Variants in CCDC146 observed in about 807,000 individuals in gnomAD.
CCDC146 encodes the protein coiled-coil domain containing 146.
Under a neutral mutation model 119.3 loss-of-function variants are expected in CCDC146, and 92 were observed. The ratio of observed to expected loss-of-function variants is 0.77; its 90% confidence interval spans 0.65 to 0.92. CCDC146 has a LOEUF of 0.92. Among genes scored for constraint, CCDC146 ranks in the 40% least tolerant of loss-of-function variants. CCDC146 has a pLI of 0.00. For missense variants in CCDC146, 1,000 were observed against 1,103.0 expected, an observed-to-expected ratio of 0.91 and a Z score of 1.32; for synonymous variants, 372 against 371.8, an observed-to-expected ratio of 1.00 and a Z score of -0.01.
chr7:77,199,420 A>G (rs375874418), intron 2 of CCDC146: 69 of 1,613,182 alleles, frequency 4.3e-5, no homozygotes, highest in Non-Finnish European at 5.3e-5. Flanking sequence ...GTTATCACCA[A>G]CCTCTCCCGG....
chr7:77,141,082 CT>C (rs1562813371), intron 1 of CCDC146, among the ~76,000 whole-genome samples: 1 of 152,144 alleles, frequency 6.6e-6, no homozygotes, highest in African/African-American at 2.4e-5. Flanking sequence ...CCCACACCCC[CT>C]GACAGGCCTC....
intron 1 of CCDC146, among the ~76,000 whole-genome samples, chr7:77,131,631 T>A (rs557731240): frequency 1.6e-4 from 24 of 152,184 alleles, no homozygotes; most frequent in Non-Finnish European, 1.2e-4. Context: ...GGCAGGAGGA[T>A]CCCTTGAACC....
chr7:77,124,531 T>A (rs1790667136), intron 1 of CCDC146, among the ~76,000 whole-genome samples: 1 of 152,190 alleles, frequency 6.6e-6, no homozygotes, highest in South Asian at 2.1e-4. Flanking sequence ...GATTAAGCAA[T>A]TAGAAGGTCT....
At chr7:77,159,597 G>C (rs984320783) in intron 1 of CCDC146, among the ~76,000 whole-genome samples, 2 of 152,122 alleles carry the variant, frequency 1.3e-5, no homozygotes, top group Non-Finnish European at 2.9e-5. Flanking sequence ...ATGAACGTGG[G>C]AGTGCCAATA....
At chr7:77,206,572 G>T (rs1792083318) in intron 2 of CCDC146, among the ~76,000 whole-genome samples, 1 of 151,608 alleles carries the variant, frequency 6.6e-6, no homozygotes, top group African/African-American at 2.4e-5. Flanking sequence ...GGTGGGGGTT[G>T]CAGTGAGCTG....
intron 2 of CCDC146, among the ~76,000 whole-genome samples, chr7:77,171,080 C>A (rs1287680761): frequency 6.6e-6 from 1 of 152,066 alleles, no homozygotes; most frequent in Non-Finnish European, 1.5e-5. Flanking sequence ...TCCACCACTA[C>A]CCTTAATAAT....
Position 77,187,554 on chromosome 7 carries a change from G to A in CCDC146, c.156+19730G>A, listed in dbSNP as rs1024468128. 4.0e-5 allele frequency among the ~76,000 whole-genome samples: 6 copies of A among 151,850 alleles called. No homozygotes were observed. The South Asian group carries it at 1.2e-3, about 32-fold the overall frequency. ...GCCACTCTCAGTTACCATCATTTTG[G>A]GTTTCTGGTCTCAGCATGTCATTCA... On this transcript the variant is annotated intron_variant, in intron 2 of 18. Coordinates refer to ENST00000285871, the MANE Select transcript of CCDC146 (RefSeq NM_020879.3).
intron 6 of CCDC146, 36 bp downstream of exon 6, chr7:77,256,545 C>G: frequency 6.5e-7 from 1 of 1,536,554 alleles, no homozygotes; most frequent in Non-Finnish European, 8.8e-7. Context: ...AACATTGTGC[C>G]TTGCATGGAT....
intron 1 of CCDC146, among the ~76,000 whole-genome samples, chr7:77,161,142 T>C (rs1016870931): frequency 6.6e-6 from 1 of 152,078 alleles, no homozygotes; most frequent in African/African-American, 2.4e-5. Context: ...AAACAACAGG[T>C]GCTGGAGAGG....
chr7:77,280,500 G>C lies in CCDC146; in HGVS notation c.1766G>C (p.Arg589Pro), dbSNP rs202079778. The C allele has an allele frequency of 3.7e-6, 6 of 1,613,934 alleles. No individual in the cohort carries two copies. The highest frequency in any genetic ancestry group is 5.1e-6 in the Non-Finnish European group (6 of 1,179,980). The change falls in exon 14 of 19, where the codon CGC becomes CCC. Residue 589 changes from arginine (R) to proline (P), a missense_variant. Arg to Pro is a moderately radical substitution (Grantham distance 103). Transcript: ENST00000285871. ...AGAGAGAGCATGCAAAACGATGTGC[G>C]CAAAATTGTATCAAAACTTCAGGAA... ...TIRESMQNDV[R>P]KIVSKLQEMK... is the part of the protein sequence containing the mutation.
At chr7:77,212,038 T>C (rs1792194351) in intron 2 of CCDC146, among the ~76,000 whole-genome samples, 1 of 152,168 alleles carries the variant, frequency 6.6e-6, no homozygotes, top group Non-Finnish European at 1.5e-5. Context: ...AGCATGATCA[T>C]TGCATATAAT....
chr7:77,196,830 G>A lies in CCDC146; in HGVS notation c.156+29006G>A, dbSNP rs780495796. ...GTGAAGTTGGTGCTCCCATCGAGAC[G>A]TGCCTGCAGCACTGTCCAGCCTCCC... On this transcript the variant is annotated intron_variant, in intron 2 of 18. Transcript: ENST00000285871. This position sits in a 1 kb window ranked among gnomAD's most constrained non-coding sequence, Gnocchi z 4.2. The A allele has an allele frequency of 5.0e-6, 8 of 1,613,884 alleles. No homozygotes were observed. The highest frequency in any genetic ancestry group is 1.1e-5 in the South Asian group (1 of 91,062).
chr7:77,243,288 CATACTG>C (rs1386834900), intron 4 of CCDC146, among the ~76,000 whole-genome samples: 1 of 152,294 alleles, frequency 6.6e-6, no homozygotes. Flanking sequence ...GGAGACAATG[CATACTG>C]ACCTGCGGTG....
intron 3 of CCDC146, 119 bp downstream of exon 3, chr7:77,237,148 A>G: frequency 1.3e-6 from 1 of 775,946 alleles, no homozygotes; most frequent in Non-Finnish European, 2.2e-6. Context: ...ATTTGCGTTC[A>G]GGGAGTTTGA....
chr7:77,235,041 TTGC>T (rs1351530593), intron 2 of CCDC146, among the ~76,000 whole-genome samples: 3 of 152,170 alleles, frequency 2.0e-5, no homozygotes, highest in Admixed American at 2.0e-4. Flanking sequence ...ACTCAGACTT[TTGC>T]ATTTTGATAG....
chr7:77,228,209 G>A (rs527668881), intron 2 of CCDC146, among the ~76,000 whole-genome samples: 5 of 152,166 alleles, frequency 3.3e-5, no homozygotes, highest in African/African-American at 7.2e-5. Context: ...TGTTACGTAG[G>A]TAAACTTGTA....
rs181342821 is a variant in CCDC146, at chr7:77,259,348, G to A, written c.758+280G>A. On this transcript the variant is annotated intron_variant, in intron 7 of 18. Coordinates refer to ENST00000285871, the MANE Select transcript of CCDC146 (RefSeq NM_020879.3). Reference sequence around the variant, plus strand: ...GAAGTTCAATTGACTTTAACAGAGCGGTGCATGGGATAAATTATGCGAACT... The same window carrying A: ...GAAGTTCAATTGACTTTAACAGAGCAGTGCATGGGATAAATTATGCGAACT... 435 of 303,514 alleles carry A rather than the reference G, an allele frequency of 1.4e-3. 4 individuals are homozygous for A. The highest frequency in any genetic ancestry group is 9.0e-3 in the African/African-American group (414 of 45,756). The allele number at this position is 303,514 out of a possible 1,614,324, so 18.8% of individuals were successfully genotyped here.
intron 2 of CCDC146, among the ~76,000 whole-genome samples, chr7:77,227,968 T>A (rs1407423529): frequency 6.6e-6 from 1 of 152,206 alleles, no homozygotes; most frequent in Non-Finnish European, 1.5e-5. Context: ...TAAGATCATC[T>A]TCTACGGACA....
chr7:77,189,931 T>C (rs1791733878), intron 2 of CCDC146, among the ~76,000 whole-genome samples: 4 of 152,202 alleles, frequency 2.6e-5, no homozygotes, highest in Admixed American at 2.6e-4. Flanking sequence ...TTACTCTCCT[T>C]AATTTTTAAT....
Sources: gnomAD v4.1 joint callset for allele counts (sites outside exome capture counted in the v4.1 genomes callset) on GRCh38, gnomAD v4.1.1 for gene constraint, Gnocchi (gnomAD v3.1) non-coding constraint, MANE v1.5 for transcripts, NCBI Gene and HGNC (gene_info 2026-07-23, HGNC 2026-07-21) for gene names.